The following TEKT3 variants were observed in gnomAD, a reference collection of about 807,000 sequenced individuals.
The protein encoded by TEKT3 is tektin 3.
A neutral mutation model predicts 49.8 loss-of-function variants in TEKT3; 49 were observed. The ratio of observed to expected loss-of-function variants is 0.98; its 90% CI spans 0.78 to 1.25. The LOEUF is 1.25. TEKT3 is among the 50% of genes most tolerant of loss of function. TEKT3 has a pLI of 0.00. For synonymous variants in TEKT3, 225 were observed against 237.2 expected, an observed-to-expected ratio of 0.95 and a Z score of 0.47; for missense variants, 595 against 629.5, an observed-to-expected ratio of 0.95 and a Z score of 0.59.
rs967246339 is a variant in TEKT3, at chr17:15,309,429, C to G, written c.1102-611G>C. Among the ~76,000 whole-genome samples the G allele has an allele frequency of 2.6e-5, 4 of 152,096 alleles. No homozygotes were observed. The East Asian group carries it at 5.8e-4, about 22-fold the overall frequency. On this transcript the variant is annotated intron_variant, in intron 7 of 8. Transcript: ENST00000395930. ...ATTCGTTTTTTCTTAAAGAGGCCAC[C>G]ACCCCAAATTGCGTAAACATGGATC...
At chr17:15,332,158 A>G (rs1008774651) in intron 2 of TEKT3, among the ~76,000 whole-genome samples, 1 of 152,142 alleles carries the variant, frequency 6.6e-6, no homozygotes, top group African/African-American at 2.4e-5. Flanking sequence ...GCACCACTGC[A>G]CTCCAGCCTG....
intron 5 of TEKT3, among the ~76,000 whole-genome samples, chr17:15,316,042 C>T (rs1208365055): frequency 1.3e-5 from 2 of 152,170 alleles, no homozygotes; most frequent in Non-Finnish European, 2.9e-5. Context: ...ATGAGAGTAG[C>T]GACATGCAAA....
upstream of TEKT3, among the ~76,000 whole-genome samples, chr17:15,343,657 G>A (rs1487311860): frequency 6.6e-6 from 1 of 152,240 alleles, no homozygotes; most frequent in Non-Finnish European, 1.5e-5. Context: ...GTTTAGTGGG[G>A]TAGGAAACTA....
chr17:15,308,906 C>T (rs1162954215), intron 7 of TEKT3, 88 bp from the exon 8 acceptor site: 3 of 1,502,804 alleles, frequency 2.0e-6, no homozygotes, highest in Non-Finnish European at 2.7e-6. Flanking sequence ...ACTCCATGTC[C>T]AGCACGTGCC....
chr17:15,317,996 T>C lies in TEKT3; in HGVS notation c.734+1081A>G, dbSNP rs1911083107. Among the ~76,000 whole-genome samples, 4 of 146,404 alleles carry C rather than the reference T, an allele frequency of 2.7e-5. No homozygotes were observed. The South Asian group carries it at 8.8e-4, about 32-fold the overall frequency. On this transcript the variant is annotated intron_variant, in intron 5 of 8. Transcript: ENST00000395930. ...GGATCTCTTTTTTTTTTTTTCTTTT[T>C]TTTTTTTTTTTGAGACGGAGTCTCG...
intron 8 of TEKT3, among the ~76,000 whole-genome samples, chr17:15,306,093 G>A (rs2323655): frequency 0.54 from 75,873 of 140,918 alleles, 19,995 homozygotes; most frequent in African/African-American, 0.66. Flanking sequence ...ATATATATGT[G>A]TGTGTGTGTG....
chr17:15,309,843 T>A (rs1910698194), intron 7 of TEKT3, among the ~76,000 whole-genome samples: 1 of 152,128 alleles, frequency 6.6e-6, no homozygotes, highest in Non-Finnish European at 1.5e-5. Flanking sequence ...CACCTCCCTC[T>A]CCTTAAGACC....
upstream of TEKT3, chr17:15,341,712 T>C (rs992095785): frequency 3.9e-5 from 6 of 152,248 alleles, no homozygotes; most frequent in African/African-American, 9.6e-5. Context: ...TGGCCAGTTA[T>C]AGGAGAGGCG....
intron 8 of TEKT3, chr17:15,307,125 G>A (rs565931237): frequency 4.6e-5 from 7 of 152,316 alleles, no homozygotes; most frequent in Non-Finnish European, 7.3e-5. Flanking sequence ...GACAACATGC[G>A]TGCTATACAC....
At chr17:15,341,151 A>AACAGCGTGCGGG (rs1473803588) in intron 1 of TEKT3, among the ~76,000 whole-genome samples, 1 of 152,176 alleles carries the variant, frequency 6.6e-6, no homozygotes, top group Non-Finnish European at 1.5e-5. Flanking sequence ...GGGGACGAGG[A>AACAGCGTGCGGG]ACAGCGTGCG....
chr17:15,328,348 G>A (rs142779171), intron 3 of TEKT3, among the ~76,000 whole-genome samples: 52 of 152,256 alleles, frequency 3.4e-4, no homozygotes, highest in Admixed American at 3.3e-3. Flanking sequence ...CTTGATCCCC[G>A]CAAATTAGCA....
intron 4 of TEKT3, among the ~76,000 whole-genome samples, chr17:15,326,124 G>A (rs144230776): frequency 1.3e-5 from 2 of 152,258 alleles, no homozygotes; most frequent in Non-Finnish European, 2.9e-5. Context: ...TTAATGTCAT[G>A]GGTCACTAAG....
At position 15,327,995 on chromosome 17, in the gene TEKT3, C is replaced by CA; in HGVS notation, c.659dup (p.Thr221AspfsTer4). On this transcript the variant is annotated frameshift_variant, in exon 4 of 9. Transcript: ENST00000395930. LOFTEE classifies it high-confidence loss of function. ...GATGCATTTCCCCCACATTTACCGT[C>CA]AGCAGTTGTGCTTCAACTTCATCGT... 1 of 1,613,788 alleles carries CA rather than the reference C, an allele frequency of 6.2e-7. No homozygotes were observed. Among genetic ancestry groups the CA allele is most frequent in the African/African-American group, 1.3e-5 (1 of 75,042 alleles).
intron 4 of TEKT3, among the ~76,000 whole-genome samples, chr17:15,323,300 T>C (rs542588499): frequency 3.3e-5 from 5 of 152,316 alleles, no homozygotes; most frequent in African/African-American, 9.6e-5. Context: ...GAAAAGCCTC[T>C]TGTGGGAAGG....
chr17:15,308,833 A>C lies in TEKT3; in HGVS notation c.1102-15T>G, dbSNP rs1429057892. 6.2e-7 allele frequency: 1 copy of C among 1,610,596 alleles called. No individual in the cohort carries two copies. Among genetic ancestry groups the C allele is most frequent in the African/African-American group, 1.3e-5 (1 of 74,878 alleles). On this transcript the variant is annotated splice_polypyrimidine_tract_variant and intron_variant, in intron 7 of 8. Coordinates refer to ENST00000395930, the MANE Select transcript of TEKT3 (RefSeq NM_031898.3). ...TCCTGCAGGGTCTGTGACAAAGAGAAGCAACTGCCTGAGGCTTTGGTGTGG... is the reference window on the plus strand; with the variant it reads ...TCCTGCAGGGTCTGTGACAAAGAGACGCAACTGCCTGAGGCTTTGGTGTGG...
At chr17:15,323,345 G>A (rs1273620196) in intron 4 of TEKT3, among the ~76,000 whole-genome samples, 2 of 152,186 alleles carry the variant, frequency 1.3e-5, no homozygotes, top group African/African-American at 4.8e-5. Context: ...CAGAGCCCCA[G>A]CCTGAGTTCT....
In TEKT3 at chr17:15,331,080, C is replaced by A. The variant is rs746789990; in HGVS notation, c.506G>T (p.Gly169Val). Residue 169 changes from glycine to valine, a missense_variant, in exon 3 of 9, where the codon GGA becomes GTA. By Grantham distance (109) the Gly-to-Val change is moderately radical. Transcript: ENST00000395930. The stretch of plus-strand genomic sequence containing the variant: ...CACATCAGTAAGTGCATTTGTCTCT[C>A]CAATCATTTCATCCAACTCATGAAT... ...EIIHELDEMI[G>V]ETNALTDVKK... 6.2e-7 allele frequency: 1 copy of A among 1,614,192 alleles called. No individual in the cohort carries two copies. Among genetic ancestry groups the A allele is most frequent in the South Asian group, 1.1e-5 (1 of 91,080 alleles).
intron 2 of TEKT3, among the ~76,000 whole-genome samples, chr17:15,337,430 A>G (rs547635483): frequency 1.3e-5 from 2 of 152,360 alleles, no homozygotes; most frequent in South Asian, 4.1e-4. Context: ...AACTATGCTG[A>G]TAATTAAACA....
In TEKT3 at chr17:15,326,703, T is replaced by A. The variant is rs912740673; in HGVS notation, c.663+1289A>T. 5.9e-5 allele frequency among the ~76,000 whole-genome samples: 9 copies of A among 152,062 alleles called. 1 individual carries two copies. The highest frequency in any genetic ancestry group is 2.2e-4 in the African/African-American group (9 of 41,394). On this transcript the variant is annotated intron_variant, in intron 4 of 8. Coordinates refer to ENST00000395930, the MANE Select transcript of TEKT3 (RefSeq NM_031898.3). ...GAAAAAAAGTTACCAAGCTAAAAAA[T>A]GTTTGGCAAGTACTTAGGAATGAAG... is the stretch of plus-strand genomic sequence containing the variant.
Sources: allele counts gnomAD v4.1 joint callset (sites outside exome capture counted in the v4.1 genomes callset), GRCh38; gene constraint gnomAD v4.1.1; transcripts MANE v1.5; gene names NCBI Gene and HGNC (gene_info 2026-07-23, HGNC 2026-07-21).